Variants in DMXL1 observed in about 807,000 individuals in gnomAD.
DMXL1 encodes the protein Dmx like 1.
A neutral mutation model predicts 319.2 loss-of-function variants in DMXL1; 99 were observed. That is an observed-to-expected ratio of 0.31 (90% CI 0.26 to 0.37). The LOEUF is 0.37. DMXL1 is among the 10% of genes least tolerant of loss of function. The pLI, the probability that DMXL1 is intolerant of heterozygous loss-of-function variation, is 1.00. For synonymous variants in DMXL1, 1,385 were observed against 1,235.2 expected, an observed-to-expected ratio of 1.12 and a Z score of -2.54; for missense variants, 3,745 against 3,595.6, an observed-to-expected ratio of 1.04 and a Z score of -1.06.
intron 1 of DMXL1, among the ~76,000 whole-genome samples, chr5:119,077,760 TG>T (rs1751288063): frequency 8.0e-6 from 1 of 125,032 alleles, no homozygotes; most frequent in Admixed American, 8.5e-5. Context: ...TTTAAGTGTG[TG>T]TGTGTGTGTG....
At position 119,166,652 on chromosome 5, in the gene DMXL1, A is replaced by G. The variant is rs756387347; in HGVS notation, c.5007A>G (p.Gly1669=). 11 of 1,609,588 alleles carry G rather than the reference A, an allele frequency of 6.8e-6. No homozygotes were observed. In the East Asian group the frequency reaches 2.2e-4, roughly 33 times the overall value. The part of the protein sequence containing the change: ...EKNTRMTQFF[G]HNFEDERWRK... ...ACACCAGGATGACACAGTTTTTTGG[A>G]CACAATTTTGAGGATGAGAGGTGGC... The change falls in exon 22 of 44, where the codon GGA becomes GGG. Residue 1669 remains glycine (G), a synonymous_variant. Coordinates refer to ENST00000539542, the MANE Select transcript of DMXL1 (RefSeq NM_001290321.3).
chr5:119,116,423 A>C, intron 7 of DMXL1, 87 bp downstream of exon 7: 1 of 1,382,552 alleles, frequency 7.2e-7, no homozygotes, highest in Non-Finnish European at 1.0e-6. Flanking sequence ...GAGAGTCCAT[A>C]GTTACAGGAC....
At chr5:119,206,298 C>A (rs571531311) in intron 33 of DMXL1, among the ~76,000 whole-genome samples, 87 of 152,068 alleles carry the variant, frequency 5.7e-4, no homozygotes, top group South Asian at 2.1e-3. Flanking sequence ...CTTTCTTTAA[C>A]AAGTACTACT....
rs114086569 is a variant in DMXL1, at chr5:119,175,902, A to T, written c.6758+565A>T. Among the ~76,000 whole-genome samples, 1,374 of 152,114 alleles carry T rather than the reference A, an allele frequency of 9.0e-3. 17 individuals are homozygous for T. Among genetic ancestry groups the T allele is most frequent in the South Asian group, 0.027 (128 of 4,824 alleles). The stretch of plus-strand genomic sequence containing the variant: ...TACCCTCTGGGGTCTTTCTATATCT[A>T]TCTTTAGTTGTTTGAAGTACTCTAT... On this transcript the variant is annotated intron_variant, in intron 26 of 43. Transcript: ENST00000539542.
At chr5:119,121,429 C>G (rs1298325758) in intron 9 of DMXL1, among the ~76,000 whole-genome samples, 1 of 151,914 alleles carries the variant, frequency 6.6e-6, no homozygotes, top group Non-Finnish European at 1.5e-5. Flanking sequence ...GACCCTGCGG[C>G]CTTCCGCTGT....
In DMXL1 at chr5:119,116,149, T is replaced by C; in HGVS notation, c.565-9T>C. Reference sequence around the variant, plus strand: ...CCATGATTTTCTGTTTTGTTTTTTTTTTCCTTAGGATGACTGTCTTTTGAA... The same window carrying C: ...CCATGATTTTCTGTTTTGTTTTTTTCTTCCTTAGGATGACTGTCTTTTGAA... On this transcript the variant is annotated splice_polypyrimidine_tract_variant and intron_variant, in intron 6 of 43. Transcript: ENST00000539542. 1 of 1,572,180 alleles carries C rather than the reference T, an allele frequency of 6.4e-7. No homozygotes were observed. Among genetic ancestry groups the C allele is most frequent in the East Asian group, 2.2e-5 (1 of 44,526 alleles).
chr5:119,149,898 T>A lies in DMXL1; in HGVS notation c.4071T>A (p.Val1357=), dbSNP rs774288840. 2.5e-6 allele frequency: 4 copies of A among 1,613,794 alleles called. No homozygotes were observed. Among genetic ancestry groups the A allele is most frequent in the African/African-American group, 2.7e-5 (2 of 74,896 alleles). ...TTGTTAAGTGCATTGCTGGGGAAGT[T>A]GTGGCTCTGAATGAAGCTGAATCTA... ...SHLVKCIAGE[V]VALNEAESNH... The change falls in exon 18 of 44, where the codon GTT becomes GTA. Residue 1357 remains valine, a synonymous_variant. Transcript: ENST00000539542.
intron 28 of DMXL1, among the ~76,000 whole-genome samples, chr5:119,186,858 T>C (rs1194326401): frequency 6.6e-6 from 1 of 151,770 alleles, no homozygotes; most frequent in Non-Finnish European, 1.5e-5. Context: ...TACAGTCTAC[T>C]ATCTTGACAT....
intron 33 of DMXL1, among the ~76,000 whole-genome samples, chr5:119,206,144 C>G (rs1234001298): frequency 6.6e-6 from 1 of 152,028 alleles, no homozygotes; most frequent in East Asian, 1.9e-4. Context: ...ATAGAAAGTA[C>G]AGACAACTGC....
At position 119,166,721 on chromosome 5, in the gene DMXL1, A is replaced by C. The variant is rs1187512748; in HGVS notation, c.5076A>C (p.Gln1692His). 2 of 1,613,142 alleles carry C rather than the reference A, an allele frequency of 1.2e-6. No individual in the cohort carries two copies. The highest frequency in any genetic ancestry group is 1.7e-6 in the Non-Finnish European group (2 of 1,179,676). Residue 1692 changes from glutamine to histidine, a missense_variant, in exon 22 of 44, where the codon CAA becomes CAC. Transcript: ENST00000539542. ...LKNAFSLLGK[Q>H]RFEHSAAFFL... ...ATGCTTTTTCTTTGCTAGGCAAACA[A>C]AGATTTGAACATTCTGCAGCATTTT...
chr5:119,114,665 G>C, intron 6 of DMXL1, 124 bp downstream of exon 6: 2 of 720,888 alleles, frequency 2.8e-6, no homozygotes, highest in Non-Finnish European at 2.2e-6. Context: ...ATTAAAAATT[G>C]TTTTTTTTGT....
At chr5:119,220,742 TTAAA>T (rs1784507414) in intron 36 of DMXL1, 149 bp downstream of exon 36, 1 of 1,183,422 alleles carries the variant, frequency 8.5e-7, no homozygotes, top group Non-Finnish European at 1.2e-6. Context: ...GGCAAGAGCT[TTAAA>T]TAAGGGAACT....
chr5:119,242,908 T>C (rs752950458), intron 42 of DMXL1, among the ~76,000 whole-genome samples: 1 of 152,094 alleles, frequency 6.6e-6, no homozygotes, highest in Admixed American at 6.6e-5. Context: ...ATATAAAAAA[T>C]TGAACCCAGA....
intron 28 of DMXL1, among the ~76,000 whole-genome samples, chr5:119,188,406 A>G (rs1778131877): frequency 1.3e-5 from 2 of 152,228 alleles, no homozygotes; most frequent in South Asian, 4.1e-4. Flanking sequence ...CCATCTCTTA[A>G]AAAAGACAAA....
chr5:119,237,119 G>A (rs1400171920), intron 39 of DMXL1: 1 of 326,874 alleles, frequency 3.1e-6, no homozygotes, highest in Non-Finnish European at 5.7e-6. Flanking sequence ...TCTGATGTTT[G>A]TTCTCTTTAT....
chr5:119,212,459 T>G (rs1378351379), intron 34 of DMXL1, among the ~76,000 whole-genome samples: 2 of 152,240 alleles, frequency 1.3e-5, no homozygotes. Context: ...CGTCAGTTAG[T>G]GGACATTTGA....
intron 30 of DMXL1, among the ~76,000 whole-genome samples, chr5:119,195,650 G>A (rs1477592354): frequency 2.0e-5 from 3 of 152,166 alleles, no homozygotes; most frequent in African/African-American, 4.8e-5. Context: ...TTGGATGGTG[G>A]TGGTGGTTGC....
At chr5:119,246,272 C>G (rs796938844) in intron 43 of DMXL1, among the ~76,000 whole-genome samples, 22 of 152,264 alleles carry the variant, frequency 1.4e-4, no homozygotes, top group African/African-American at 5.3e-4. Context: ...CTCTTTCTAG[C>G]TGTTCTGATC....
chr5:119,100,933 T>C (rs1194584722), intron 2 of DMXL1, among the ~76,000 whole-genome samples: 1 of 137,460 alleles, frequency 7.3e-6, no homozygotes, highest in Admixed American at 7.7e-5. Flanking sequence ...GCGCCTGCCA[T>C]CGCCCGGCTA....
Sources: allele counts gnomAD v4.1 joint callset (sites outside exome capture counted in the v4.1 genomes callset), GRCh38; gene constraint gnomAD v4.1.1; transcripts MANE v1.5; gene names NCBI Gene and HGNC (gene_info 2026-07-23, HGNC 2026-07-21).